Variants in COMMD6 observed in about 807,000 individuals in gnomAD.
COMMD6 encodes COMM domain-containing protein 6.
Under a neutral mutation model 13.4 loss-of-function variants are expected in COMMD6, and 11 were observed. The ratio of observed to expected loss-of-function variants is 0.82; its 90% CI spans 0.52 to 1.36. The LOEUF is 1.36. Ranked by LOEUF, COMMD6 falls within the 40% of genes most tolerant of loss-of-function variation. COMMD6 has a pLI of 0.00. For missense variants in COMMD6, 124 were observed against 102.4 expected (o/e 1.21, Z -0.91); for synonymous variants, 43 against 36.5 (o/e 1.18, Z -0.64).
intron 1 of COMMD6, among the ~76,000 whole-genome samples, chr13:75,546,118 A>G (rs1383654794): frequency 6.6e-6 from 1 of 152,228 alleles, no homozygotes; most frequent in African/African-American, 2.4e-5. Flanking sequence ...ATATATACCT[A>G]CCAAGTATCC....
At chr13:75,529,231 G>A (rs2030375668) in intron 3 of COMMD6, among the ~76,000 whole-genome samples, 1 of 152,096 alleles carries the variant, frequency 6.6e-6, no homozygotes, top group South Asian at 2.1e-4. Flanking sequence ...ACATTTAAAA[G>A]AAAACCTGGC....
At chr13:75,541,338 C>T (rs1279840523), upstream of COMMD6, among the ~76,000 whole-genome samples, 2 of 152,006 alleles carry the variant, frequency 1.3e-5, no homozygotes, top group African/African-American at 4.8e-5. Flanking sequence ...AGCAAAAGTG[C>T]CCCATCTCCA....
At chr13:75,539,950 G>T (rs2030797663), upstream of COMMD6, among the ~76,000 whole-genome samples, 1 of 149,260 alleles carries the variant, frequency 6.7e-6, no homozygotes, top group Non-Finnish European at 1.5e-5. Flanking sequence ...CAGTGTGTCG[G>T]TTCTTTTTGC....
rs151173613 is a variant in COMMD6, at chr13:75,544,619, C to T, written n.106+4704G>A. ...CTTTACTAACAATACAAAAATTAGC[C>T]GGGTGTGGTGGCACACACCTGTGAT... On this transcript the variant is annotated intron_variant and non_coding_transcript_variant, in intron 1 of 2. Transcript: ENST00000460675. Among the ~76,000 whole-genome samples the T allele has an allele frequency of 1.4e-3, 214 of 152,050 alleles. 2 individuals carry two copies. The highest frequency in any genetic ancestry group is 4.3e-3 in the African/African-American group (179 of 41,490).
chr13:75,534,826 T>C (rs2030606617), intron 2 of COMMD6, among the ~76,000 whole-genome samples: 1 of 152,186 alleles, frequency 6.6e-6, no homozygotes, highest in Admixed American at 6.5e-5. Context: ...AACATGACTA[T>C]AAAAACTGTC....
intron 3 of COMMD6, among the ~76,000 whole-genome samples, chr13:75,528,218 C>T (rs2030338295): frequency 6.6e-6 from 1 of 151,774 alleles, no homozygotes; most frequent in African/African-American, 2.4e-5. Flanking sequence ...AAAGTTAATC[C>T]AATTGTGATT....
intron 1 of COMMD6, among the ~76,000 whole-genome samples, chr13:75,546,812 C>G (rs2030911806): frequency 6.6e-6 from 1 of 152,152 alleles, no homozygotes; most frequent in African/African-American, 2.4e-5. Context: ...TGTGCATACT[C>G]ACAAGAAGGG....
At chr13:75,537,433 G>A in intron 2 of COMMD6, 1 of 1,551,324 alleles carries the variant, frequency 6.4e-7, no homozygotes, top group Middle Eastern at 1.7e-4. Context: ...AACAATCCTT[G>A]ATCTGCATTC....
At chr13:75,536,528 A>G (rs1281090495) in intron 2 of COMMD6, among the ~76,000 whole-genome samples, 1 of 152,212 alleles carries the variant, frequency 6.6e-6, no homozygotes, top group African/African-American at 2.4e-5. Context: ...GCCTAATGTA[A>G]TTGAAAGGGT....
At chr13:75,544,857 C>T (rs1045143127) in intron 1 of COMMD6, among the ~76,000 whole-genome samples, 1 of 140,364 alleles carries the variant, frequency 7.1e-6, no homozygotes, top group Non-Finnish European at 1.5e-5. Flanking sequence ...ACCTGGGAGG[C>T]GGAGGTTGCC....
upstream of COMMD6, among the ~76,000 whole-genome samples, chr13:75,540,344 CCACACACA>C (rs59520333): frequency 8.1e-4 from 119 of 147,380 alleles, no homozygotes; most frequent in African/African-American, 2.6e-3. Context: ...ACACACACAC[CCACACACA>C]CACACACACA....
chr13:75,546,313 A>G (rs2030904097), intron 1 of COMMD6, among the ~76,000 whole-genome samples: 1 of 152,254 alleles, frequency 6.6e-6, no homozygotes, highest in South Asian at 2.1e-4. Context: ...AATTCCATGT[A>G]TTCTTGCAAA....
rs751771209 is a variant in COMMD6, at chr13:75,530,311, C to G, written c.55-45G>C. Reference sequence around the variant, plus strand: ...AATAATACATTAGTAGTAACATTACCTGGAATGCAGATATTTATTCAATTT... The same window carrying G: ...AATAATACATTAGTAGTAACATTACGTGGAATGCAGATATTTATTCAATTT... On this transcript the variant is annotated intron_variant, in intron 2 of 3. Coordinates refer to ENST00000682242, the MANE Select transcript of COMMD6 (RefSeq NM_203495.4). 2.7e-6 allele frequency: 4 copies of G among 1,476,312 alleles called. No individual in the cohort carries two copies. In the African/African-American group the frequency reaches 4.2e-5, roughly 15 times the overall value. The allele number at this position is 1,476,312 out of a possible 1,614,324, so 91.5% of individuals were successfully genotyped here. A position where few individuals can be genotyped will look rare whatever the true frequency, so the allele number is the denominator to read the frequency against.
intron 1 of COMMD6, among the ~76,000 whole-genome samples, chr13:75,545,260 A>G (rs1459609912): frequency 6.6e-6 from 1 of 152,208 alleles, no homozygotes; most frequent in Admixed American, 6.5e-5. Flanking sequence ...AGGTATACAG[A>G]GAGACTGACC....
intron 2 of COMMD6, among the ~76,000 whole-genome samples, chr13:75,536,686 G>A (rs984710413): frequency 2.0e-5 from 3 of 152,180 alleles, no homozygotes; most frequent in African/African-American, 7.2e-5. Context: ...AAGGAACAAA[G>A]CCCTGCAGAC....
intron 2 of COMMD6, 31 bp downstream of exon 2, chr13:75,537,633 G>A: frequency 6.2e-7 from 1 of 1,613,676 alleles, no homozygotes; most frequent in South Asian, 1.1e-5. Context: ...GCAGGCTGGC[G>A]GAGGACAGGG....
At chr13:75,529,107 A>T (rs919096957) in intron 3 of COMMD6, among the ~76,000 whole-genome samples, 1 of 152,208 alleles carries the variant, frequency 6.6e-6, no homozygotes, top group Non-Finnish European at 1.5e-5. Context: ...CTAACTTCGT[A>T]CTAGTGTAAG....
upstream of COMMD6, among the ~76,000 whole-genome samples, chr13:75,542,047 G>T (rs1040238011): frequency 2.6e-5 from 4 of 152,228 alleles, no homozygotes; most frequent in African/African-American, 9.6e-5. Flanking sequence ...ATTGTTTTGT[G>T]ATAATTTTCC....
At chr13:75,530,043 G>A (rs866201763) in intron 3 of COMMD6, 71 bp downstream of exon 3, 2 of 1,265,600 alleles carry the variant, frequency 1.6e-6, no homozygotes, top group Non-Finnish European at 2.2e-6. Flanking sequence ...CCCGTAGAAA[G>A]ATTTTATACA....
Sources: allele counts gnomAD v4.1 joint callset (sites outside exome capture counted in the v4.1 genomes callset), GRCh38; gene constraint gnomAD v4.1.1; transcripts MANE v1.5; gene names NCBI Gene and HGNC (gene_info 2026-07-23, HGNC 2026-07-21).